The following RTL4 variants were observed in gnomAD, a reference collection of about 807,000 sequenced individuals.
The protein encoded by RTL4 is retrotransposon Gag-like protein 4.
A neutral mutation model predicts 5.3 loss-of-function variants in RTL4; 4 were observed. That is an observed-to-expected ratio of 0.75 (90% confidence interval 0.37 to 1.72). The LOEUF (loss-of-function observed/expected upper bound fraction) is 1.72, where lower values mean the gene tolerates loss of function less well. RTL4 is among the 40% of genes most tolerant of loss of function. The pLI, the probability that RTL4 is intolerant of heterozygous loss-of-function variation, is 0.04. For synonymous variants in RTL4, 98 were observed against 87.3 expected, an observed-to-expected ratio of 1.12 and a Z score of -0.68; for missense variants, 260 against 227.1, an observed-to-expected ratio of 1.14 and a Z score of -0.93.
At chrX:112,376,430 C>A in the RTL4 span, among the ~76,000 whole-genome samples, 1 of 111,317 alleles carries the variant, frequency 9.0e-6, no homozygotes, top group Non-Finnish European at 1.9e-5. Context: ...ACAGACCAAG[C>A]CAATAGTTAT....
At chrX:112,248,723 G>A in the RTL4 span, among the ~76,000 whole-genome samples, 1 of 111,861 alleles carries the variant, frequency 8.9e-6, no homozygotes, top group Non-Finnish European at 1.9e-5. Context: ...CTGTCCCATG[G>A]TGGTTTGTCC....
At chrX:112,286,712 T>A in the RTL4 span, among the ~76,000 whole-genome samples, 64 of 111,834 alleles carry the variant, frequency 5.7e-4, no homozygotes, top group Non-Finnish European at 7.2e-4. Context: ...ACTCTTTTTT[T>A]AAAAAATTCA....
the RTL4 span, among the ~76,000 whole-genome samples, chrX:112,434,868 G>A: frequency 9.0e-6 from 1 of 111,422 alleles, no homozygotes; most frequent in Non-Finnish European, 1.9e-5. Context: ...ATCCGAAACT[G>A]GGTAATTTAT....
chrX:112,194,958 T>C, the RTL4 span, among the ~76,000 whole-genome samples: 1 of 111,841 alleles, frequency 8.9e-6, no homozygotes, highest in Non-Finnish European at 1.9e-5. Context: ...AGATGGAAGA[T>C]AAAGCATGCC....
the RTL4 span, among the ~76,000 whole-genome samples, chrX:112,226,988 AC>A: frequency 2.8e-5 from 2 of 71,975 alleles, no homozygotes; most frequent in African/African-American, 8.6e-5. Flanking sequence ...ATAAAATAAA[AC>A]AAAATAAAAT....
chrX:112,302,865 T>C, the RTL4 span, among the ~76,000 whole-genome samples: 1 of 112,644 alleles, frequency 8.9e-6, no homozygotes, highest in Non-Finnish European at 1.9e-5. Context: ...TAGACGTTCA[T>C]TATTTTTAAA....
chrX:112,317,772 T>C, the RTL4 span, among the ~76,000 whole-genome samples: 1 of 111,671 alleles, frequency 9.0e-6, no homozygotes, highest in African/African-American at 3.3e-5. Context: ...GAAGGCTGAG[T>C]CACAGAGGTT....
chrX:112,394,593 C>A, the RTL4 span, among the ~76,000 whole-genome samples: 1 of 111,657 alleles, frequency 9.0e-6, no homozygotes, highest in African/African-American at 3.3e-5. Flanking sequence ...TTGTAGCTCT[C>A]TTACTTTCAT....
chrX:112,452,888 C>T (rs749655518), upstream of RTL4, among the ~76,000 whole-genome samples: 14 of 110,650 alleles, frequency 1.3e-4, no homozygotes, highest in Non-Finnish European at 1.7e-4. Flanking sequence ...GAGAATTAGC[C>T]GGGCATGGTG....
the RTL4 span, among the ~76,000 whole-genome samples, chrX:112,226,866 G>A: frequency 1.8e-5 from 2 of 108,167 alleles, no homozygotes; most frequent in African/African-American, 3.4e-5. Context: ...AGCCCAAGAG[G>A]CGGAGGTTGC....
the RTL4 span, among the ~76,000 whole-genome samples, chrX:112,161,904 T>A: frequency 2.0e-5 from 2 of 102,503 alleles, no homozygotes; most frequent in Middle Eastern, 4.3e-3. Flanking sequence ...TCTTTTTTAC[T>A]TTGAGGAAAA....
chrX:112,207,532 T>C, the RTL4 span, among the ~76,000 whole-genome samples: 5 of 111,941 alleles, frequency 4.5e-5, no homozygotes, highest in Non-Finnish European at 9.4e-5. Flanking sequence ...GCAGGAAGCT[T>C]TCTTTGACAT....
the RTL4 span, among the ~76,000 whole-genome samples, chrX:112,326,201 G>A: frequency 2.6e-4 from 29 of 111,762 alleles, no homozygotes; most frequent in South Asian, 3.7e-4. Context: ...CAGCATGAGC[G>A]ACACAGAAGA....
chrX:112,402,399 ATTGTGTGTGT>A, the RTL4 span, among the ~76,000 whole-genome samples: 2 of 62,044 alleles, frequency 3.2e-5, no homozygotes, highest in African/African-American at 1.2e-4. Context: ...CGGAATTATT[ATTGTGTGTGT>A]GTGTGTGTGT....
At chrX:112,426,244 G>A in the RTL4 span, among the ~76,000 whole-genome samples, 1 of 111,109 alleles carries the variant, frequency 9.0e-6, no homozygotes, top group African/African-American at 3.3e-5. Context: ...GGCTATATAG[G>A]TCTATTTCTG....
At chrX:112,364,491 A>G in the RTL4 span, among the ~76,000 whole-genome samples, 1 of 112,043 alleles carries the variant, frequency 8.9e-6, no homozygotes, top group Non-Finnish European at 1.9e-5. Flanking sequence ...CAATTTAGTA[A>G]CTTAGAACTG....
the RTL4 span, among the ~76,000 whole-genome samples, chrX:112,152,947 A>G: frequency 1.3e-4 from 15 of 111,331 alleles, no homozygotes; most frequent in African/African-American, 4.6e-4. Flanking sequence ...AAGCCTATAA[A>G]CTCTGCCCTA....
chrX:112,181,051 G>A, the RTL4 span, among the ~76,000 whole-genome samples: 51 of 111,386 alleles, frequency 4.6e-4, no homozygotes, highest in African/African-American at 1.4e-3. Context: ...AGGGTGGGGC[G>A]TTGCCTCACC....
the RTL4 span, among the ~76,000 whole-genome samples, chrX:112,200,599 T>C: frequency 8.9e-6 from 1 of 111,865 alleles, no homozygotes; most frequent in Non-Finnish European, 1.9e-5. Flanking sequence ...GAATTAAGAA[T>C]TGGTGAGAAG....
Sources: allele counts gnomAD v4.1 joint callset (sites outside exome capture counted in the v4.1 genomes callset), GRCh38; gene constraint gnomAD v4.1.1; transcripts MANE v1.5; gene names NCBI Gene and HGNC (gene_info 2026-07-23, HGNC 2026-07-21).